The following TULP4 variants were observed in gnomAD, a reference collection of about 807,000 sequenced individuals.
The protein encoded by TULP4 is TUB like protein 4.
Under a neutral mutation model 129.0 loss-of-function variants are expected in TULP4, and 16 were observed. The observed-to-expected ratio is 0.12, with a 90% CI of 0.08 to 0.19. The LOEUF is 0.19. TULP4 is among the 10% of genes least tolerant of loss of function. TULP4 has a pLI of 1.00. For synonymous variants in TULP4, 998 were observed against 854.0 expected, an observed-to-expected ratio of 1.17 and a Z score of -2.94; for missense variants, 1,842 against 2,059.1, an observed-to-expected ratio of 0.89 and a Z score of 2.04.
chr6:158,345,691 CAA>C (rs1430265063), intron 1 of TULP4, among the ~76,000 whole-genome samples: 1 of 152,180 alleles, frequency 6.6e-6, no homozygotes, highest in East Asian at 1.9e-4. Context: ...AGGCAAAGGG[CAA>C]AAGCAGAATT....
intron 1 of TULP4, among the ~76,000 whole-genome samples, chr6:158,412,036 T>A (rs746487765): frequency 3.3e-5 from 5 of 152,218 alleles, no homozygotes; most frequent in African/African-American, 1.2e-4. Context: ...TACTCTTGCC[T>A]GGTTAGTAAT....
At chr6:158,387,824 G>C (rs1292267871) in intron 1 of TULP4, among the ~76,000 whole-genome samples, 2 of 152,184 alleles carry the variant, frequency 1.3e-5, no homozygotes, top group Non-Finnish European at 2.9e-5. Context: ...GGAAATGGAA[G>C]CTAAGTAGTG....
intron 1 of TULP4, among the ~76,000 whole-genome samples, chr6:158,268,600 C>T (rs575442421): frequency 6.6e-6 from 1 of 152,144 alleles, no homozygotes; most frequent in East Asian, 1.9e-4. Context: ...GGCCCCACCT[C>T]GTAATGCTAT....
Position 158,502,363 on chromosome 6 carries a change from G to T in TULP4, c.2700G>T (p.Val900=). 6.2e-7 allele frequency: 1 copy of T among 1,613,820 alleles called. No homozygotes were observed. The highest frequency in any genetic ancestry group is 2.2e-5 in the East Asian group (1 of 44,868). ...ACAGCAGTGGCAACGTGGAGGAGGT[G>T]TGCCGGCCCCGCACCCGGATGCTGT... ...TFDSSGNVEE[V]CRPRTRMLCS... is the part of the protein sequence containing the mutation. Residue 900 remains valine (V), a synonymous_variant, in exon 13 of 14, where the codon GTG becomes GTT. Coordinates refer to ENST00000367097, the MANE Select transcript of TULP4 (RefSeq NM_020245.5).
chr6:158,280,032 A>G (rs1270518886), upstream of TULP4, among the ~76,000 whole-genome samples: 2 of 152,208 alleles, frequency 1.3e-5, no homozygotes, highest in Middle Eastern at 3.2e-3. Context: ...CTCCATCCAT[A>G]ACTGGGAAGT....
At chr6:158,279,281 T>C (rs758717844), upstream of TULP4, among the ~76,000 whole-genome samples, 7 of 152,110 alleles carry the variant, frequency 4.6e-5, no homozygotes, top group South Asian at 6.2e-4. Flanking sequence ...TAAGTAGATA[T>C]TCAGAATTCA....
rs748711187 is a variant in TULP4 at position 158,465,784 on chromosome 6, G to A, written c.1026+4055G>A. Among the ~76,000 whole-genome samples the A allele has an allele frequency of 1.5e-4, 23 of 152,274 alleles. No homozygotes were observed. The Middle Eastern group carries it at 0.014, about 90-fold the overall frequency. On this transcript the variant is annotated intron_variant, in intron 6 of 13. Coordinates refer to ENST00000367097, the MANE Select transcript of TULP4 (RefSeq NM_020245.5). ...CAAAGACATAAATCAACATGTGGAA[G>A]GTATACGTTGGCTCAGCTTGAAAAT...
chr6:158,254,258 T>C (rs575162914), intron 1 of TULP4, among the ~76,000 whole-genome samples: 2 of 152,214 alleles, frequency 1.3e-5, no homozygotes, highest in African/African-American at 4.8e-5. Context: ...TTCTCATGAC[T>C]CAGCCTCCTG....
Position 158,301,218 on chromosome 6 carries a change from A to G in TULP4, n.117-10833A>G, listed in dbSNP as rs531455121. Among the ~76,000 whole-genome samples, 4 of 152,324 alleles carry G rather than the reference A, an allele frequency of 2.6e-5. No individual in the cohort carries two copies. The South Asian group carries it at 8.3e-4, about 32-fold the overall frequency. On this transcript the variant is annotated intron_variant and non_coding_transcript_variant, in intron 1 of 1. Transcript: ENST00000432358. ...ATCCTGTAAGGCAATAATTACAGCA[A>G]TTAACTCTACCTTTTGAGCAGAGGT...
chr6:158,255,376 G>A (rs1375625878), intron 1 of TULP4, among the ~76,000 whole-genome samples: 1 of 152,160 alleles, frequency 6.6e-6, no homozygotes. Flanking sequence ...TGGGGAAGGT[G>A]ATCTTATCCC....
intron 2 of TULP4, among the ~76,000 whole-genome samples, chr6:158,416,480 C>G (rs1778211750): frequency 6.6e-6 from 1 of 152,058 alleles, no homozygotes; most frequent in African/African-American, 2.4e-5. Context: ...ATAGAAAAAG[C>G]TTACAGCATA....
intron 1 of TULP4, among the ~76,000 whole-genome samples, chr6:158,304,876 A>AT (rs1779189045): frequency 6.6e-6 from 1 of 151,850 alleles, no homozygotes; most frequent in East Asian, 1.9e-4. Context: ...TATATTGTCC[A>AT]TGCTGGTCTG....
intron 1 of TULP4, among the ~76,000 whole-genome samples, chr6:158,233,761 T>C (rs1327653988): frequency 1.3e-5 from 2 of 152,240 alleles, no homozygotes; most frequent in East Asian, 1.9e-4. Context: ...AGTGATGATA[T>C]GAATAAATTG....
At chr6:158,312,348 G>A (rs962892066), upstream of TULP4, 1 of 382,770 alleles carries the variant, frequency 2.6e-6, no homozygotes, top group Non-Finnish European at 4.6e-6. Flanking sequence ...GTCTGCACGG[G>A]TAAAGAAAGT....
chr6:158,399,356 G>T (rs1777793701), intron 1 of TULP4, among the ~76,000 whole-genome samples: 1 of 152,222 alleles, frequency 6.6e-6, no homozygotes, highest in African/African-American at 2.4e-5. Flanking sequence ...TGATGTTACA[G>T]CCAATGATTT....
At chr6:158,392,790 A>ATTTATTTT (rs1554286987) in intron 1 of TULP4, among the ~76,000 whole-genome samples, 1 of 38,622 alleles carries the variant, frequency 2.6e-5, no homozygotes, top group Non-Finnish European at 5.7e-5. Flanking sequence ...TTAAATTTGT[A>ATTTATTTT]TTTCTTTTTT....
At chr6:158,478,034 A>C (rs1362694330) in intron 6 of TULP4, among the ~76,000 whole-genome samples, 3 of 152,116 alleles carry the variant, frequency 2.0e-5, no homozygotes, top group African/African-American at 7.2e-5. Context: ...ATATATTCTC[A>C]CTTCTAAGCC....
intron 13 of TULP4, 91 bp from the exon 14 acceptor site, chr6:158,506,487 T>C: frequency 2.3e-6 from 2 of 854,108 alleles, no homozygotes; most frequent in Non-Finnish European, 2.0e-6. Context: ...CACCTCGGCC[T>C]CCCAAAGTGC....
At chr6:158,395,063 GC>G (rs1407465719) in intron 1 of TULP4, among the ~76,000 whole-genome samples, 1 of 152,072 alleles carries the variant, frequency 6.6e-6, no homozygotes, top group Non-Finnish European at 1.5e-5. Flanking sequence ...AGGGAAATCC[GC>G]CCCCATGATC....
Sources: allele counts gnomAD v4.1 joint callset (sites outside exome capture counted in the v4.1 genomes callset), GRCh38; gene constraint gnomAD v4.1.1; transcripts MANE v1.5; gene names NCBI Gene and HGNC (gene_info 2026-07-23, HGNC 2026-07-21).